CLIC5: variants seen among roughly 807,000 people sequenced by gnomAD.
CLIC5 encodes chloride intracellular channel protein 5.
Under a neutral mutation model 24.7 loss-of-function variants are expected in CLIC5, and 20 were observed. The ratio of observed to expected loss-of-function variants is 0.81; its 90% CI spans 0.57 to 1.18. CLIC5 has a LOEUF of 1.18. Among genes scored for constraint, CLIC5 ranks in the 50% most tolerant of loss-of-function variants. The probability of loss-of-function intolerance (pLI) is 0.00; values close to 1 mark genes in which losing one functional copy is unlikely to be tolerated. For synonymous variants in CLIC5, 159 were observed against 135.6 expected (o/e 1.17, Z -1.20); for missense variants, 341 against 326.1 (o/e 1.05, Z -0.35).
At chr6:45,912,186 C>T in intron 5 of CLIC5, 4 of 986,702 alleles carry the variant, frequency 4.1e-6, no homozygotes, top group Non-Finnish European at 3.6e-6. Flanking sequence ...CTTGGCTTCC[C>T]CTTCGCTCTT....
rs116677153 is a variant in CLIC5, at chr6:45,990,294, C to T, written c.63+25186G>A. 2.9e-3 allele frequency among the ~76,000 whole-genome samples: 447 copies of T among 152,314 alleles called. 1 individual carries two copies. Among genetic ancestry groups the T allele is most frequent in the African/African-American group, 9.5e-3 (394 of 41,568 alleles). On this transcript the variant is annotated intron_variant, in intron 1 of 5. Transcript: ENST00000339561. ...GCCCTATTACTTTTTAAAGTGGTTTCCATTCATGTTTAAGTCACTAGTTTC... is the reference window on the plus strand; with the variant it reads ...GCCCTATTACTTTTTAAAGTGGTTTTCATTCATGTTTAAGTCACTAGTTTC...
chr6:45,956,994 C>T (rs1459977746), intron 1 of CLIC5, among the ~76,000 whole-genome samples: 1 of 152,102 alleles, frequency 6.6e-6, no homozygotes, highest in African/African-American at 2.4e-5. Flanking sequence ...CTAGGAACTT[C>T]TCAAGAAGCA....
Position 46,010,367 on chromosome 6 carries a change from C to G in CLIC5, c.63+5113G>C, listed in dbSNP as rs148818713. ...ATGTGCTGCTGCTATTAGCACTGCA[C>G]TGGTTAAAACAAAAAAAAAATCTGT... On this transcript the variant is annotated intron_variant, in intron 1 of 5. Transcript: ENST00000339561. 1.5e-3 allele frequency among the ~76,000 whole-genome samples: 234 copies of G among 152,152 alleles called. 1 individual carries two copies. The highest frequency in any genetic ancestry group is 5.3e-3 in the African/African-American group (222 of 41,500).
chr6:46,043,589 A>G (rs1767874911), intron 1 of CLIC5, among the ~76,000 whole-genome samples: 1 of 152,206 alleles, frequency 6.6e-6, no homozygotes, highest in African/African-American at 2.4e-5. Flanking sequence ...AGGTGGAGAA[A>G]GTTGTTTCAA....
chr6:45,949,430 T>G (rs748533736), intron 2 of CLIC5, 49 bp from the exon 3 acceptor site: 3 of 1,585,344 alleles, frequency 1.9e-6, no homozygotes, highest in Non-Finnish European at 2.6e-6. Context: ...GGGTGCTTCC[T>G]GTTCTGGGAA....
chr6:45,992,407 T>A (rs185209094), intron 1 of CLIC5, among the ~76,000 whole-genome samples: 25 of 152,304 alleles, frequency 1.6e-4, no homozygotes, highest in African/African-American at 5.5e-4. Context: ...AAAATAAGAA[T>A]GACAGTTTAT....
chr6:45,944,424 C>G (rs1452240177), intron 3 of CLIC5, among the ~76,000 whole-genome samples: 1 of 151,964 alleles, frequency 6.6e-6, no homozygotes, highest in Non-Finnish European at 1.5e-5. Flanking sequence ...TGACCTTTTA[C>G]AGATAAAGCT....
chr6:46,079,688 A>C (rs1191626353), intron 1 of CLIC5: 12 of 1,545,938 alleles, frequency 7.8e-6, no homozygotes, highest in Non-Finnish European at 1.0e-5. Flanking sequence ...TATGCCTGTC[A>C]GAGGCAGACC....
chr6:46,098,389 C>T, the CLIC5 span, among the ~76,000 whole-genome samples: 4 of 152,104 alleles, frequency 2.6e-5, no homozygotes, highest in Admixed American at 6.5e-5. Context: ...AGTGAAAATG[C>T]TACTAGTAAA....
chr6:45,891,010 A>G (rs1352482882), intron 6 of CLIC5, among the ~76,000 whole-genome samples: 6 of 152,214 alleles, frequency 3.9e-5, no homozygotes, highest in Non-Finnish European at 5.9e-5. Flanking sequence ...AATCTATTGC[A>G]CAGCACAACG....
At chr6:46,083,934 G>A (rs1178772836), upstream of CLIC5, among the ~76,000 whole-genome samples, 7 of 151,714 alleles carry the variant, frequency 4.6e-5, no homozygotes, top group East Asian at 1.9e-4. Flanking sequence ...GTCACTCAGG[G>A]CTTGCTTTAT....
At chr6:46,031,798 GA>G (rs1002734089) in intron 1 of CLIC5, among the ~76,000 whole-genome samples, 11 of 146,864 alleles carry the variant, frequency 7.5e-5, no homozygotes, top group East Asian at 2.0e-4. Flanking sequence ...GTTGTTAAGT[GA>G]AAAAAAAATC....
the CLIC5 span, among the ~76,000 whole-genome samples, chr6:46,091,452 A>C: frequency 6.6e-6 from 1 of 152,188 alleles, no homozygotes; most frequent in African/African-American, 2.4e-5. Context: ...AAGGCTAAAC[A>C]GGGCTTAGCA....
At chr6:45,882,639 T>C (rs1390887582) in intron 6 of CLIC5, among the ~76,000 whole-genome samples, 1 of 152,278 alleles carries the variant, frequency 6.6e-6, no homozygotes, top group East Asian at 1.9e-4. Flanking sequence ...GCATGTGTTT[T>C]TGTTTTATCA....
intron 6 of CLIC5, among the ~76,000 whole-genome samples, chr6:45,884,798 C>G (rs1233061186): frequency 6.6e-6 from 1 of 151,936 alleles, no homozygotes; most frequent in Non-Finnish European, 1.5e-5. Context: ...ATGTGGGGAA[C>G]TGGATTAAAG....
intron 1 of CLIC5, among the ~76,000 whole-genome samples, chr6:46,047,920 T>C (rs1037297169): frequency 2.0e-5 from 3 of 152,216 alleles, no homozygotes; most frequent in Admixed American, 6.5e-5. Context: ...TTTTGATATC[T>C]GTGGTATATA....
Position 45,915,811 on chromosome 6 carries a change from G to T in CLIC5, c.407-1402C>A, listed in dbSNP as rs548286324. ...AATCTCGTAGTCCTTTCTAATCAGA[G>T]AACACTACCATAGAAACTTTCTACT... On this transcript the variant is annotated intron_variant, in intron 4 of 5. Transcript: ENST00000339561. Among the ~76,000 whole-genome samples, 3 of 152,284 alleles carry T rather than the reference G, an allele frequency of 2.0e-5. No homozygotes were observed. The South Asian group carries it at 6.2e-4, about 32-fold the overall frequency.
Position 45,946,293 on chromosome 6 carries a change from T to G in CLIC5, c.299+2963A>C, listed in dbSNP as rs191532882. Among the ~76,000 whole-genome samples, 474 of 152,344 alleles carry G rather than the reference T, an allele frequency of 3.1e-3. 1 individual carries two copies. Among genetic ancestry groups the G allele is most frequent in the African/African-American group, 9.3e-3 (386 of 41,576 alleles). ...TTAATCACAACACTTCCTTGTCGAG[T>G]GTTCACTAGATCAATCTAAGGAGAG... On this transcript the variant is annotated intron_variant, in intron 3 of 5. Transcript: ENST00000339561.
chr6:46,118,463 G>A, the CLIC5 span, among the ~76,000 whole-genome samples: 1 of 152,174 alleles, frequency 6.6e-6, no homozygotes, highest in Non-Finnish European at 1.5e-5. Context: ...GGCACAACAG[G>A]CATAAACTAG....
Sources: gnomAD v4.1 joint callset for allele counts (sites outside exome capture counted in the v4.1 genomes callset) on GRCh38, gnomAD v4.1.1 for gene constraint, MANE v1.5 for transcripts, NCBI Gene and HGNC (gene_info 2026-07-23, HGNC 2026-07-21) for gene names.